The following NPAS3 variants were observed in gnomAD, a reference collection of about 807,000 sequenced individuals.
The protein encoded by NPAS3 is neuronal PAS domain-containing protein 3.
Under a neutral mutation model 73.1 loss-of-function variants are expected in NPAS3, and 14 were observed. The ratio of observed to expected loss-of-function variants is 0.19; its 90% CI spans 0.13 to 0.30. The LOEUF is 0.30. NPAS3 is among the 10% of genes least tolerant of loss of function. The probability of loss-of-function intolerance (pLI) is 1.00; values close to 1 mark genes in which losing one functional copy is unlikely to be tolerated. For synonymous variants in NPAS3, 620 were observed against 541.5 expected (o/e 1.14, Z -2.01); for missense variants, 1,096 against 1,250.0 (o/e 0.88, Z 1.86).
At chr14:32,988,899 A>T (rs1459069131) in intron 1 of NPAS3, among the ~76,000 whole-genome samples, 1 of 152,170 alleles carries the variant, frequency 6.6e-6, no homozygotes, top group African/African-American at 2.4e-5. Context: ...CTTCCCTATC[A>T]TCTAGTCACT....
intron 5 of NPAS3, among the ~76,000 whole-genome samples, chr14:33,661,376 G>A (rs764382708): frequency 1.1e-4 from 16 of 152,152 alleles, no homozygotes; most frequent in Non-Finnish European, 1.9e-4. Flanking sequence ...AAATAAGCAT[G>A]TTGCTAAGGG....
intron 5 of NPAS3, among the ~76,000 whole-genome samples, chr14:33,621,477 CAA>C (rs1325311066): frequency 1.3e-5 from 2 of 148,750 alleles, no homozygotes; most frequent in South Asian, 2.1e-4. Flanking sequence ...TTATTTATAA[CAA>C]GAGGCAAAAC....
chr14:33,597,286 G>A (rs951408512), intron 5 of NPAS3, among the ~76,000 whole-genome samples: 13 of 152,206 alleles, frequency 8.5e-5, no homozygotes, highest in Admixed American at 2.0e-4. Flanking sequence ...ATATTCAGTC[G>A]TAACTGGGAG....
In NPAS3 at chr14:33,191,382, T is replaced by A. The variant is rs111680151; in HGVS notation, c.141-23800T>A. ...ATCTTATAATTTGAGCATTTAGTCA[T>A]TTTTTATTATACAAATACAAGTAGA... On this transcript the variant is annotated intron_variant, in intron 2 of 11. Transcript: ENST00000356141. Among the ~76,000 whole-genome samples, 1,294 of 151,486 alleles carry A rather than the reference T, an allele frequency of 8.5e-3. 24 individuals carry two copies. The highest frequency in any genetic ancestry group is 0.03 in the African/African-American group (1,245 of 41,500).
chr14:33,722,554 C>A (rs928409020), intron 6 of NPAS3, among the ~76,000 whole-genome samples: 1 of 151,972 alleles, frequency 6.6e-6, no homozygotes, highest in African/African-American at 2.4e-5. Flanking sequence ...AATGATGAAG[C>A]CTTGTTTTAA....
intron 1 of NPAS3, among the ~76,000 whole-genome samples, chr14:32,997,075 G>A (rs2038607298): frequency 6.6e-6 from 1 of 152,222 alleles, no homozygotes; most frequent in Non-Finnish European, 1.5e-5. Context: ...TGACCTGGAT[G>A]TGAGACATGG....
At chr14:33,347,950 TC>T (rs1313718536) in intron 3 of NPAS3, among the ~76,000 whole-genome samples, 1 of 152,028 alleles carries the variant, frequency 6.6e-6, no homozygotes, top group Non-Finnish European at 1.5e-5. Flanking sequence ...GAGGGCCAAC[TC>T]TATAAGTAAA....
chr14:33,545,126 G>GT (rs1352149462), intron 4 of NPAS3, among the ~76,000 whole-genome samples: 1 of 151,544 alleles, frequency 6.6e-6, no homozygotes, highest in African/African-American at 2.4e-5. Flanking sequence ...CTCCAAACTT[G>GT]TTTTTTTGAG....
intron 4 of NPAS3, among the ~76,000 whole-genome samples, chr14:33,486,520 G>A (rs1465628960): frequency 1.3e-5 from 2 of 152,118 alleles, no homozygotes; most frequent in African/African-American, 4.8e-5. Context: ...TGCAACTCTA[G>A]GCTGTAGATG....
chr14:33,187,406 T>A (rs768625970), intron 2 of NPAS3, among the ~76,000 whole-genome samples: 11 of 152,228 alleles, frequency 7.2e-5, no homozygotes. Flanking sequence ...TAGTTGTAAC[T>A]GGAAGATTAT....
intron 4 of NPAS3, among the ~76,000 whole-genome samples, chr14:33,552,259 AAT>A (rs1210691510): frequency 6.6e-6 from 1 of 152,212 alleles, no homozygotes; most frequent in Non-Finnish European, 1.5e-5. Flanking sequence ...AAACAACTAA[AAT>A]ACCCAGCAGG....
chr14:32,941,094 ATT>A (rs1175484683), intron 1 of NPAS3, among the ~76,000 whole-genome samples: 1 of 152,176 alleles, frequency 6.6e-6, no homozygotes, highest in East Asian at 1.9e-4. Flanking sequence ...AGAAAAAATA[ATT>A]TCTCAGAGCA....
At chr14:33,048,521 A>C (rs1247064000) in intron 1 of NPAS3, among the ~76,000 whole-genome samples, 1 of 152,122 alleles carries the variant, frequency 6.6e-6, no homozygotes, top group Admixed American at 6.5e-5. Flanking sequence ...AGCTGCTTTG[A>C]CTTTGGGAGG....
Position 33,514,608 on chromosome 14 carries a change from C to T in NPAS3, c.469-45513C>T, listed in dbSNP as rs955907182. Among the ~76,000 whole-genome samples the T allele has an allele frequency of 3.3e-5, 5 of 151,976 alleles. No homozygotes were observed. In the East Asian group the frequency reaches 5.8e-4, roughly 18 times the overall value. Reference sequence around the variant, plus strand: ...GTCAAGAAGGTTCCACAAAATTTAACAAATTGAATTTGAAATTAGAACATG... The same window carrying T: ...GTCAAGAAGGTTCCACAAAATTTAATAAATTGAATTTGAAATTAGAACATG... On this transcript the variant is annotated intron_variant, in intron 4 of 11. Coordinates refer to ENST00000356141, the Ensembl canonical transcript of NPAS3.
intron 2 of NPAS3, among the ~76,000 whole-genome samples, chr14:33,117,730 A>G (rs556652623): frequency 2.6e-5 from 4 of 152,254 alleles, no homozygotes; most frequent in African/African-American, 9.6e-5. Flanking sequence ...TTTACTTAGT[A>G]AAGTCATAAT....
chr14:33,417,226 A>G (rs1178583466), intron 4 of NPAS3, among the ~76,000 whole-genome samples: 1 of 152,052 alleles, frequency 6.6e-6, no homozygotes, highest in African/African-American at 2.4e-5. Flanking sequence ...TTCCTGGAAA[A>G]TCCTCAAAAA....
At chr14:33,793,420 G>A (rs929247264) in intron 9 of NPAS3, among the ~76,000 whole-genome samples, 1 of 152,204 alleles carries the variant, frequency 6.6e-6, no homozygotes, top group Non-Finnish European at 1.5e-5. Flanking sequence ...TAAGGACGCG[G>A]GTTGAGATTG....
At chr14:33,509,132 T>C (rs116546984) in intron 4 of NPAS3, among the ~76,000 whole-genome samples, 225 of 152,134 alleles carry the variant, frequency 1.5e-3, no homozygotes, top group African/African-American at 5.2e-3. Context: ...GGTGGTATTA[T>C]TAGCATTATG....
chr14:33,199,345 G>C (rs2046520448), intron 2 of NPAS3, among the ~76,000 whole-genome samples: 2 of 152,206 alleles, frequency 1.3e-5, no homozygotes, highest in Admixed American at 6.5e-5. Flanking sequence ...TAGACACACA[G>C]ATCTGGCAAA....
Sources: gnomAD v4.1 joint callset for allele counts (sites outside exome capture counted in the v4.1 genomes callset) on GRCh38, gnomAD v4.1.1 for gene constraint, MANE v1.5 for transcripts, NCBI Gene and HGNC (gene_info 2026-07-23, HGNC 2026-07-21) for gene names.